Variants in L3MBTL4 observed in about 807,000 individuals in gnomAD.
L3MBTL4 encodes L3MBTL histone methyl-lysine binding protein 4, also known as lethal(3)malignant brain tumor-like protein 4.
Under a neutral mutation model 84.5 loss-of-function variants are expected in L3MBTL4, and 70 were observed. That is an observed-to-expected ratio of 0.83 (90% CI 0.68 to 1.01). The LOEUF is 1.01. L3MBTL4 is among the 50% of genes least tolerant of loss of function. L3MBTL4 has a pLI of 0.00. For missense variants in L3MBTL4, 715 were observed against 754.8 expected (o/e 0.95, Z 0.62); for synonymous variants, 274 against 259.8 (o/e 1.05, Z -0.52).
chr18:6,038,697 C>A (rs557093319), intron 16 of L3MBTL4, among the ~76,000 whole-genome samples: 3 of 152,210 alleles, frequency 2.0e-5, no homozygotes, highest in Admixed American at 1.3e-4. Flanking sequence ...ACAACAACAA[C>A]AAAAATGCCT....
intron 16 of L3MBTL4, among the ~76,000 whole-genome samples, chr18:5,980,864 T>G (rs2053179168): frequency 6.6e-6 from 1 of 152,208 alleles, no homozygotes; most frequent in East Asian, 1.9e-4. Context: ...GAAGCAGCGG[T>G]GCACACAGGA....
intron 16 of L3MBTL4, among the ~76,000 whole-genome samples, chr18:6,011,057 C>T (rs2054712843): frequency 1.3e-5 from 2 of 152,116 alleles, no homozygotes; most frequent in Admixed American, 1.3e-4. Context: ...TTGCTAAGTG[C>T]CGGCATGGGA....
At chr18:6,347,495 C>T (rs968679816) in intron 1 of L3MBTL4, among the ~76,000 whole-genome samples, 1 of 150,734 alleles carries the variant, frequency 6.6e-6, no homozygotes, top group African/African-American at 2.4e-5. Context: ...ATATATATAT[C>T]TTTTTATATG....
chr18:6,004,014 AATTAAAG>A (rs1446621846), intron 16 of L3MBTL4, among the ~76,000 whole-genome samples: 1 of 152,090 alleles, frequency 6.6e-6, no homozygotes, highest in Non-Finnish European at 1.5e-5. Flanking sequence ...GAATGAAGAG[AATTAAAG>A]ATTATAGTGG....
chr18:6,304,778 A>T (rs542030882), intron 3 of L3MBTL4, among the ~76,000 whole-genome samples: 56 of 152,360 alleles, frequency 3.7e-4, no homozygotes, highest in African/African-American at 1.2e-3. Context: ...ATGTAATTCA[A>T]AACAAAGAGA....
At chr18:5,970,142 C>T (rs143812068) in intron 16 of L3MBTL4, among the ~76,000 whole-genome samples, 29 of 152,328 alleles carry the variant, frequency 1.9e-4, no homozygotes, top group African/African-American at 6.0e-4. Flanking sequence ...TCCCCAGCAG[C>T]GCACCATGAC....
chr18:6,026,371 G>T (rs1251346874), intron 16 of L3MBTL4, among the ~76,000 whole-genome samples: 1 of 152,158 alleles, frequency 6.6e-6, no homozygotes, highest in African/African-American at 2.4e-5. Flanking sequence ...CTTATCTCCA[G>T]GAGGTCAACT....
intron 12 of L3MBTL4, among the ~76,000 whole-genome samples, chr18:6,173,133 C>A (rs1424311337): frequency 2.0e-5 from 3 of 152,198 alleles, no homozygotes; most frequent in Non-Finnish European, 4.4e-5. Context: ...ATGCTAAAGT[C>A]TGAGAACCAG....
intron 12 of L3MBTL4, among the ~76,000 whole-genome samples, chr18:6,192,271 A>C (rs1277148893): frequency 1.3e-5 from 2 of 152,148 alleles, no homozygotes; most frequent in African/African-American, 4.8e-5. Flanking sequence ...CAGACATAAT[A>C]CCATATTTGT....
intron 1 of L3MBTL4, among the ~76,000 whole-genome samples, chr18:6,391,752 A>AACAACTACTACTACTACT (rs1555755552): frequency 1.1e-3 from 164 of 150,112 alleles, no homozygotes; most frequent in African/African-American, 3.8e-3. Flanking sequence ...CAACAACAAC[A>AACAACTACTACTACTACT]ACTACTACTA....
rs71370542 is a variant in L3MBTL4 at position 6,072,865 on chromosome 18, CA to C, written c.1444+8015del. Among the ~76,000 whole-genome samples the C allele has an allele frequency of 2.6e-3, 8 of 3,064 alleles. 1 individual carries two copies. The highest frequency in any genetic ancestry group is 3.0e-3 in the Non-Finnish European group (8 of 2,646). The allele number at this position is 3,064 out of a possible 152,430, so 2.0% of individuals were successfully genotyped here. Reference sequence around the variant, plus strand: ...GGTGACAGAGAGAGAGACTCCGTCTCAAAAAAAAAAAAAAAAATATATATAT... The same window carrying C: ...GGTGACAGAGAGAGAGACTCCGTCTCAAAAAAAAAAAAAAAATATATATAT... On this transcript the variant is annotated intron_variant, in intron 16 of 18. Transcript: ENST00000317931.
chr18:6,277,628 T>C (rs1211932125), intron 4 of L3MBTL4, among the ~76,000 whole-genome samples: 4 of 152,216 alleles, frequency 2.6e-5, no homozygotes, highest in Non-Finnish European at 4.4e-5. Context: ...GTTTGTGGTA[T>C]AGCTTTCCAT....
At chr18:6,021,012 T>A (rs1940959) in intron 16 of L3MBTL4, among the ~76,000 whole-genome samples, 6,716 of 152,158 alleles carry the variant, frequency 0.044, 392 homozygotes, top group Admixed American at 0.16. Context: ...AGCAAAGGAA[T>A]CTGAGAAAGA....
rs1396759042 is a variant in L3MBTL4 at position 6,071,196 on chromosome 18, GC to G, written c.1444+9684del. ...ACTTGAGGCTAGGAGTTTGAGACCA[GC>G]CTGGCCAACATGGTGAAACCCTGTC... On this transcript the variant is annotated intron_variant, in intron 16 of 18. Coordinates refer to ENST00000317931, the MANE Select transcript of L3MBTL4 (RefSeq NM_001330559.2). Among the ~76,000 whole-genome samples, 5 of 151,720 alleles carry G rather than the reference GC, an allele frequency of 3.3e-5. No individual in the cohort carries two copies. The East Asian group carries it at 7.9e-4, about 24-fold the overall frequency.
intron 4 of L3MBTL4, among the ~76,000 whole-genome samples, chr18:6,265,754 T>C (rs372773596): frequency 6.6e-6 from 1 of 151,624 alleles, no homozygotes; most frequent in Non-Finnish European, 1.5e-5. Context: ...AGACATGCAA[T>C]AAAAAAAAGT....
At chr18:6,233,194 C>A (rs1435024333) in intron 10 of L3MBTL4, among the ~76,000 whole-genome samples, 6 of 151,620 alleles carry the variant, frequency 4.0e-5, no homozygotes, top group Non-Finnish European at 4.4e-5. Flanking sequence ...CTATTTATAA[C>A]AAACCCACAG....
At chr18:6,330,599 C>T (rs2051981630) in intron 1 of L3MBTL4, among the ~76,000 whole-genome samples, 1 of 152,236 alleles carries the variant, frequency 6.6e-6, no homozygotes, top group African/African-American at 2.4e-5. Context: ...AGCTGATCAG[C>T]AACCTTCATT....
intron 16 of L3MBTL4, among the ~76,000 whole-genome samples, chr18:6,014,970 C>T (rs1412508849): frequency 7.8e-6 from 1 of 128,820 alleles, no homozygotes; most frequent in Admixed American, 8.2e-5. Context: ...TAGGAGTGGA[C>T]TGAAGTGGGG....
intron 1 of L3MBTL4, among the ~76,000 whole-genome samples, chr18:6,351,354 G>T (rs1211880475): frequency 2.6e-5 from 4 of 151,996 alleles, no homozygotes; most frequent in African/African-American, 9.7e-5. Context: ...AGCTACCAGG[G>T]TCTGGGGGAG....
Sources: allele counts gnomAD v4.1 joint callset (sites outside exome capture counted in the v4.1 genomes callset), GRCh38; gene constraint gnomAD v4.1.1; transcripts MANE v1.5; gene names NCBI Gene and HGNC (gene_info 2026-07-23, HGNC 2026-07-21).